Variants in NPEPL1 observed in about 807,000 individuals in gnomAD.
NPEPL1 encodes the protein aminopeptidase like 1, also known as probable aminopeptidase NPEPL1.
Under a neutral mutation model 52.4 loss-of-function variants are expected in NPEPL1, and 45 were observed. That is an observed-to-expected ratio of 0.86 (90% CI 0.68 to 1.10). The LOEUF (loss-of-function observed/expected upper bound fraction) is 1.10. NPEPL1 is among the 50% of genes least tolerant of loss of function. The probability of loss-of-function intolerance (pLI) is 0.00; values close to 1 mark genes in which losing one functional copy is unlikely to be tolerated. For missense variants in NPEPL1, 696 were observed against 710.9 expected (o/e 0.98, Z 0.24); for synonymous variants, 360 against 314.7 (o/e 1.14, Z -1.52).
chr20:58,697,967 G>A (rs893067193), intron 3 of NPEPL1, among the ~76,000 whole-genome samples: 13 of 152,232 alleles, frequency 8.5e-5, no homozygotes, highest in African/African-American at 2.2e-4. Context: ...GGGTGGACAC[G>A]TCAGTTCCAT....
At chr20:58,696,877 C>T (rs549109547) in intron 3 of NPEPL1, among the ~76,000 whole-genome samples, 128 of 152,266 alleles carry the variant, frequency 8.4e-4, no homozygotes, top group Non-Finnish European at 1.3e-3. Context: ...ACCGGGGCCA[C>T]GGCAGCAAGG....
At chr20:58,712,423 C>A in intron 7 of NPEPL1, 56 bp from the exon 8 acceptor site, 1 of 1,197,524 alleles carries the variant, frequency 8.4e-7, no homozygotes, top group South Asian at 1.2e-5. Flanking sequence ...GCTCGTCCTC[C>A]CCCCTCCCCA....
chr20:58,712,912 T>G lies in NPEPL1; in HGVS notation c.1001+333T>G, dbSNP rs2084882489. 1.2e-5 allele frequency: 5 copies of G among 409,858 alleles called. No homozygotes were observed. In the East Asian group the frequency reaches 2.3e-4, roughly 19 times the overall value. 25.4% of individuals were successfully genotyped at this position (409,858 alleles called of 1,614,324 possible). A position where few individuals can be genotyped will look rare whatever the true frequency, so the allele number is the denominator to read the frequency against. ...AAGCTCTGACCCCCAGATTCCCTGC[T>G]CGGGGACACCTCCTGCATCTCCCCC... On this transcript the variant is annotated intron_variant, in intron 8 of 11. Transcript: ENST00000356091.
chr20:58,700,930 A>AG (rs2084602122), intron 5 of NPEPL1, 86 bp from the exon 6 acceptor site: 1 of 1,311,230 alleles, frequency 7.6e-7, no homozygotes, highest in African/African-American at 1.5e-5. Flanking sequence ...GAGAAACACC[A>AG]GCCGGCCAGA....
At position 58,692,949 on chromosome 20, in the gene NPEPL1, CCA is replaced by C; in HGVS notation, c.52_53del (p.Gln18GlufsTer173). 8.5e-7 allele frequency: 1 copy of C among 1,172,822 alleles called. No homozygotes were observed. Among genetic ancestry groups the C allele is most frequent in the Non-Finnish European group, 1.1e-6 (1 of 932,994 alleles). The allele number at this position is 1,172,822 out of a possible 1,614,324, so 72.7% of individuals were successfully genotyped here. ...CCAGGCGAGCGCGGGGGACTCGGAC[CCA>C]CAGAGCCGGCCCCTGCTGCTGCTCG... Reference protein sequence around the residue: ...QFQASAGDSDPQSRPLLLLGQ... With the variant: ...QFQASAGDSDXQSRPLLLLGQ... On this transcript the variant is annotated frameshift_variant, in exon 1 of 12. Coordinates refer to ENST00000356091, the MANE Select transcript of NPEPL1 (RefSeq NM_024663.4). LOFTEE classifies it high-confidence loss of function. This position sits in a 1 kb window ranked among gnomAD's most constrained non-coding sequence, Gnocchi z 5.7.
chr20:58,704,447 T>C, intron 6 of NPEPL1: 5 of 861,426 alleles, frequency 5.8e-6, no homozygotes, highest in Non-Finnish European at 7.0e-6. Flanking sequence ...TGATATTTAC[T>C]CTACTGGAAA....
chr20:58,705,472 A>G, intron 6 of NPEPL1: 1 of 456,272 alleles, frequency 2.2e-6, no homozygotes, highest in Non-Finnish European at 4.4e-6. Context: ...TTCTAACGTG[A>G]AATTGGCATT....
intron 6 of NPEPL1, chr20:58,705,587 G>GA (rs1326584073): frequency 2.2e-6 from 1 of 454,642 alleles, no homozygotes; most frequent in East Asian, 7.0e-5. Flanking sequence ...TCAGCCCCGT[G>GA]AAAAAGGCAG....
At chr20:58,689,822 A>AACACAC (rs35608871), upstream of NPEPL1, among the ~76,000 whole-genome samples, 3 of 150,758 alleles carry the variant, frequency 2.0e-5, no homozygotes, top group African/African-American at 7.3e-5. Context: ...CACATGCACA[A>AACACAC]ACACACACAC....
chr20:58,698,702 G>C lies in NPEPL1; in HGVS notation c.526G>C (p.Asp176His). The part of the protein sequence containing the change: ...STLQCLANAT[D>H]GVRLAARIVD... ...TCCCTAGTGCTTAGCGAATGCCACA[G>C]ACGGCGTGCGGCTAGCAGCCCGCAT... The change falls in exon 4 of 12, where the codon GAC becomes CAC. Residue 176 changes from aspartate to histidine, a missense_variant. Coordinates refer to ENST00000356091, the MANE Select transcript of NPEPL1 (RefSeq NM_024663.4). The C allele has an allele frequency of 6.2e-7, 1 of 1,612,846 alleles. No individual in the cohort carries two copies. The highest frequency in any genetic ancestry group is 8.5e-7 in the Non-Finnish European group (1 of 1,179,844).
intron 7 of NPEPL1, chr20:58,710,746 T>A (rs1354414933): frequency 2.6e-5 from 4 of 152,346 alleles, no homozygotes; most frequent in African/African-American, 4.8e-5. Flanking sequence ...AGTCTTGGAT[T>A]TTTTCAGCCG....
Position 58,707,131 on chromosome 20 carries a change from G to A in NPEPL1, c.831G>A (p.Met277Ile). The A allele has an allele frequency of 3.2e-6, 5 of 1,552,004 alleles. No individual in the cohort carries two copies. Among genetic ancestry groups the A allele is most frequent in the Non-Finnish European group, 2.6e-6 (3 of 1,147,468 alleles). ...CTTTGTACCACCCGCAGACTACCAT[G>A]CCGGGGATGAAGCGAGACTGCGGGG... ...GGLSIKGKTT[M>I]PGMKRDCGGA... is the part of the protein sequence containing the mutation. Residue 277 changes from methionine (M) to isoleucine (I), a missense_variant, in exon 7 of 12, where the codon ATG (methionine) becomes ATA (isoleucine). Met to Ile is a conservative substitution (Grantham distance 10, BLOSUM62 1). Transcript: ENST00000356091.
intron 5 of NPEPL1, 59 bp downstream of exon 5, chr20:58,699,337 G>GGCA: frequency 7.6e-7 from 1 of 1,319,924 alleles, no homozygotes; most frequent in Non-Finnish European, 1.0e-6. Flanking sequence ...GGGGCACTTG[G>GGCA]GTGGCAGGGG....
chr20:58,709,596 A>G (rs547760392), intron 7 of NPEPL1, among the ~76,000 whole-genome samples: 17 of 152,308 alleles, frequency 1.1e-4, no homozygotes, highest in Non-Finnish European at 8.8e-5. Context: ...GCAGCTTTAT[A>G]GTGGTGACAC....
At position 58,714,217 on chromosome 20, in the gene NPEPL1, C is replaced by T. The variant is rs560825559; in HGVS notation, c.1302+124C>T. 4.0e-5 allele frequency: 45 copies of T among 1,116,482 alleles called. No individual in the cohort carries two copies. The East Asian group carries it at 1.0e-3, about 25-fold the overall frequency. The allele number at this position is 1,116,482 out of a possible 1,614,324, so 69.2% of individuals were successfully genotyped here. ...CCCCCAGAAGCAGCCACAGTGCAGACGAGGGCTTGAGAGGCAGGCGTCAGG... is the reference window on the plus strand; with the variant it reads ...CCCCCAGAAGCAGCCACAGTGCAGATGAGGGCTTGAGAGGCAGGCGTCAGG... On this transcript the variant is annotated intron_variant, in intron 10 of 11. Transcript: ENST00000356091.
intron 6 of NPEPL1, chr20:58,705,584 C>T (rs1217351870): frequency 4.4e-6 from 2 of 454,668 alleles, no homozygotes; most frequent in Middle Eastern, 3.3e-4. Context: ...GTGTCAGCCC[C>T]GTGAAAAAGG....
chr20:58,703,472 C>G (rs976733375), intron 6 of NPEPL1: 1 of 976,420 alleles, frequency 1.0e-6, no homozygotes, highest in Non-Finnish European at 1.2e-6. Context: ...CACCCTCGCA[C>G]GCACCCTCAA....
upstream of NPEPL1, chr20:58,691,783 A>G: frequency 6.5e-7 from 1 of 1,543,998 alleles, no homozygotes; most frequent in Non-Finnish European, 8.7e-7. Context: ...ACATGGAGGT[A>G]ACAGAGGAGG....
chr20:58,707,205 G>A lies in NPEPL1; in HGVS notation c.900+5G>A. On this transcript the variant is annotated splice_donor_5th_base_variant and intron_variant, in intron 7 of 11. Coordinates refer to ENST00000356091, the MANE Select transcript of NPEPL1 (RefSeq NM_024663.4). ...TTCAGAGCCGCAATCAAGCAGGTGA[G>A]TGGGCCCTGCCCGCCCTCTGCAGGG... 1 of 1,548,814 alleles carries A rather than the reference G, an allele frequency of 6.5e-7. No homozygotes were observed. The highest frequency in any genetic ancestry group is 8.7e-7 in the Non-Finnish European group (1 of 1,146,298).
Sources: allele counts gnomAD v4.1 joint callset (sites outside exome capture counted in the v4.1 genomes callset), GRCh38; gene constraint gnomAD v4.1.1; non-coding constraint Gnocchi (gnomAD v3.1); transcripts MANE v1.5; gene names NCBI Gene and HGNC (gene_info 2026-07-23, HGNC 2026-07-21).